Variants in ROBO2 observed in about 807,000 individuals in gnomAD.
The protein encoded by ROBO2 is roundabout guidance receptor 2.
Under a neutral mutation model 160.8 loss-of-function variants are expected in ROBO2, and 53 were observed. The ratio of observed to expected loss-of-function variants is 0.33; its 90% CI spans 0.26 to 0.41. ROBO2 has a LOEUF of 0.41. Among genes scored for constraint, ROBO2 ranks in the 10% least tolerant of loss-of-function variants. ROBO2 has a pLI of 1.00. For missense variants in ROBO2, 1,577 were observed against 1,722.4 expected (o/e 0.92, Z 1.49); for synonymous variants, 664 against 611.7 (o/e 1.09, Z -1.26).
chr3:76,427,592 A>G (rs977284734), intron 2 of ROBO2, among the ~76,000 whole-genome samples: 43 of 152,158 alleles, frequency 2.8e-4, no homozygotes, highest in African/African-American at 1.0e-3. Flanking sequence ...CAAAAGAGCA[A>G]TTCTATACAT....
chr3:76,251,606 T>C (rs146630540), intron 2 of ROBO2, among the ~76,000 whole-genome samples: 14 of 152,236 alleles, frequency 9.2e-5, no homozygotes, highest in Admixed American at 4.6e-4. Context: ...TAGCATCAAC[T>C]ATAGGAAAGA....
At chr3:76,781,311 G>A (rs1310395505) in intron 2 of ROBO2, among the ~76,000 whole-genome samples, 1 of 150,468 alleles carries the variant, frequency 6.6e-6, no homozygotes, top group East Asian at 2.0e-4. Flanking sequence ...ATTTTTTATG[G>A]AGTCTTTAGG....
intron 2 of ROBO2, among the ~76,000 whole-genome samples, chr3:76,093,547 T>C (rs1308151345): frequency 6.7e-6 from 1 of 149,012 alleles, no homozygotes; most frequent in Non-Finnish European, 1.5e-5. Flanking sequence ...ATATATATTA[T>C]CATTTTATAG....
intron 2 of ROBO2, among the ~76,000 whole-genome samples, chr3:76,873,730 A>G (rs191032324): frequency 1.3e-5 from 2 of 152,304 alleles, no homozygotes; most frequent in African/African-American, 4.8e-5. Flanking sequence ...CCTGCCCAGC[A>G]AACAATGGTG....
Position 77,017,533 on chromosome 3 carries a change from T to C in ROBO2, c.110-80481T>C, listed in dbSNP as rs79165394. Among the ~76,000 whole-genome samples the C allele has an allele frequency of 8.8e-4, 134 of 152,268 alleles. 1 individual carries two copies. Among genetic ancestry groups the C allele is most frequent in the African/African-American group, 3.2e-3 (133 of 41,574 alleles). The stretch of plus-strand genomic sequence containing the variant: ...CCAGAGCTGCTTAAGTTGAGATAAT[T>C]TGAGAAAATTTTAGGCTTTAATTAC... On this transcript the variant is annotated intron_variant, in intron 2 of 26. Coordinates refer to the ROBO2 transcript ENST00000487694.
At chr3:77,644,969 C>A (rs2095397597) in intron 25 of ROBO2, 65 bp downstream of exon 27, 1 of 1,456,222 alleles carries the variant, frequency 6.9e-7, no homozygotes, top group Non-Finnish European at 9.6e-7. Context: ...AATAACATTG[C>A]CACATTAAAC....
intron 5 of ROBO2, among the ~76,000 whole-genome samples, chr3:77,517,330 A>T (rs1465181445): frequency 6.6e-6 from 1 of 151,508 alleles, no homozygotes; most frequent in African/African-American, 2.4e-5. Flanking sequence ...TACTACAAAG[A>T]CACAGAACTG....
rs778332221 is a variant in ROBO2, at chr3:77,098,121, C to T, written c.169C>T (p.Arg57Trp). ...GACTCTGAACTGCAAGGCGGAGGGCCGGCCAACGCCCACCATTGAGTGGTA... is the reference window on the plus strand; with the variant it reads ...GACTCTGAACTGCAAGGCGGAGGGCTGGCCAACGCCCACCATTGAGTGGTA... Residue 57 changes from arginine to tryptophan, a missense_variant, in exon 2 of 26, where the codon CGG becomes TGG. This residue lies in a region of ROBO2 where 940 missense variants were observed against 1,135.5 expected (regional missense o/e 0.83). Coordinates refer to ENST00000461745, the Ensembl canonical transcript of ROBO2. 4 of 1,614,002 alleles carry T rather than the reference C, an allele frequency of 2.5e-6. No individual in the cohort carries two copies. The highest frequency in any genetic ancestry group is 3.3e-5 in the Admixed American group (2 of 60,002).
At chr3:77,454,327 CAG>C (rs1490003056) in intron 2 of ROBO2, among the ~76,000 whole-genome samples, 1 of 152,182 alleles carries the variant, frequency 6.6e-6, no homozygotes, top group South Asian at 2.1e-4. Flanking sequence ...GGTAAATTTG[CAG>C]AGTCTTCAGT....
At chr3:76,357,908 A>G (rs1433310869) in intron 2 of ROBO2, among the ~76,000 whole-genome samples, 1 of 150,188 alleles carries the variant, frequency 6.7e-6, no homozygotes, top group Non-Finnish European at 1.5e-5. Flanking sequence ...ATATATATAT[A>G]TAAATTTTAA....
chr3:77,108,704 A>T (rs1460003814), intron 2 of ROBO2, among the ~76,000 whole-genome samples: 1 of 152,128 alleles, frequency 6.6e-6, no homozygotes, highest in Non-Finnish European at 1.5e-5. Flanking sequence ...GTGAGTCTGA[A>T]TGAAAGATGG....
chr3:76,624,615 G>A (rs1447798726), intron 2 of ROBO2, among the ~76,000 whole-genome samples: 2 of 151,320 alleles, frequency 1.3e-5, no homozygotes, highest in Non-Finnish European at 2.9e-5. Context: ...CCTGGCCAAC[G>A]TGGTGAAACC....
intron 2 of ROBO2, among the ~76,000 whole-genome samples, chr3:77,138,543 A>G (rs779900410): frequency 6.6e-6 from 1 of 152,242 alleles, no homozygotes; most frequent in Non-Finnish European, 1.5e-5. Context: ...GAGAGACATC[A>G]TGGGATATGA....
At chr3:77,389,232 C>G (rs1274875949) in intron 2 of ROBO2, among the ~76,000 whole-genome samples, 5 of 152,190 alleles carry the variant, frequency 3.3e-5, no homozygotes, top group African/African-American at 9.6e-5. Context: ...GTGTGAGCCA[C>G]CACGCCAGGC....
chr3:77,523,009 C>A, intron 6 of ROBO2, 107 bp downstream of exon 6: 3 of 1,318,866 alleles, frequency 2.3e-6, no homozygotes, highest in Non-Finnish European at 3.2e-6. Flanking sequence ...TTTTGTTGTA[C>A]TAAAATGCCT....
At chr3:76,341,483 A>G (rs1405404113) in intron 2 of ROBO2, among the ~76,000 whole-genome samples, 3 of 149,694 alleles carry the variant, frequency 2.0e-5, no homozygotes, top group Non-Finnish European at 4.4e-5. Flanking sequence ...TTGCAAATGT[A>G]TAATATTTAC....
intron 2 of ROBO2, among the ~76,000 whole-genome samples, chr3:76,692,004 A>G (rs1183895386): frequency 6.6e-6 from 1 of 152,168 alleles, no homozygotes; most frequent in Non-Finnish European, 1.5e-5. Flanking sequence ...TTGTGTGTGT[A>G]GGAGCTCATT....
chr3:77,495,602 C>T (rs2086679800), intron 5 of ROBO2, among the ~76,000 whole-genome samples: 1 of 152,124 alleles, frequency 6.6e-6, no homozygotes, highest in Non-Finnish European at 1.5e-5. Flanking sequence ...CCTTAACAAC[C>T]TTGAAGGGAA....
At chr3:76,457,905 C>G (rs1014570991) in intron 2 of ROBO2, among the ~76,000 whole-genome samples, 3 of 152,092 alleles carry the variant, frequency 2.0e-5, no homozygotes, top group African/African-American at 7.2e-5. Context: ...GACTGGGACA[C>G]AGGGTACCAA....
Sources: gnomAD v4.1 joint callset for allele counts (sites outside exome capture counted in the v4.1 genomes callset) on GRCh38, gnomAD v4.1.1 for gene constraint, gnomAD v4.1.1 regional missense constraint, MANE v1.5 for transcripts, NCBI Gene and HGNC (gene_info 2026-07-23, HGNC 2026-07-21) for gene names.